The following GBP7 variants were observed in gnomAD, a reference collection of about 807,000 sequenced individuals.
GBP7 encodes guanylate binding protein 7.
Under a neutral mutation model 61.3 loss-of-function variants are expected in GBP7, and 43 were observed. The ratio of observed to expected loss-of-function variants is 0.70; its 90% CI spans 0.55 to 0.91. GBP7 has a LOEUF of 0.91. Among genes scored for constraint, GBP7 ranks in the 40% least tolerant of loss-of-function variants. GBP7 has a pLI of 0.00. For missense variants in GBP7, 717 were observed against 740.5 expected, an observed-to-expected ratio of 0.97 and a Z score of 0.37; for synonymous variants, 267 against 271.0, an observed-to-expected ratio of 0.99 and a Z score of 0.14.
At chr1:89,141,430 A>G in intron 9 of GBP7, 116 bp downstream of exon 9, 2 of 780,160 alleles carry the variant, frequency 2.6e-6, no homozygotes, top group East Asian at 5.2e-5. Flanking sequence ...TTAGCAGAGC[A>G]TGTGTTCCCT....
chr1:89,164,857 G>A lies in GBP7; in HGVS notation c.192C>T (p.Gly64=), dbSNP rs1647378669. ...LMNKLAGKNK[G]FPLGCTVKSE... is the part of the protein sequence containing the mutation. ...ACTTCACTGTGCAGCCCAGAGGGAA[G>A]CCTTCAAGGGAAGAGGAGAAACAAC... The change falls in exon 3 of 11, where the codon GGC becomes GGT. Residue 64 remains glycine (G), a splice_region_variant and synonymous_variant. Transcript: ENST00000294671. 6.8e-6 allele frequency: 11 copies of A among 1,613,480 alleles called. No homozygotes were observed. The highest frequency in any genetic ancestry group is 4.4e-5 in the South Asian group (4 of 91,082).
chr1:89,155,072 G>T (rs1327339011), intron 3 of GBP7, among the ~76,000 whole-genome samples: 1 of 152,214 alleles, frequency 6.6e-6, no homozygotes, highest in Non-Finnish European at 1.5e-5. Context: ...CTCCACTGGT[G>T]ATACCCAGGC....
chr1:89,163,382 C>T (rs1220046967), intron 3 of GBP7, among the ~76,000 whole-genome samples: 1 of 149,504 alleles, frequency 6.7e-6, no homozygotes, highest in Non-Finnish European at 1.5e-5. Flanking sequence ...GCTATGAATC[C>T]ATCTGTTTCT....
rs149964054 is a variant in GBP7, at chr1:89,157,464, C to A, written c.319-4687G>T. 4.9e-3 allele frequency among the ~76,000 whole-genome samples: 737 copies of A among 151,708 alleles called. 4 individuals carry two copies. Among genetic ancestry groups the A allele is most frequent in the African/African-American group, 0.017 (682 of 41,328 alleles). On this transcript the variant is annotated intron_variant, in intron 3 of 10. Transcript: ENST00000294671. ...CAAAATTGATAGACCACTACCAAGA[C>A]GAATAAAGAAGAAAAGAGAGAAGAA...
chr1:89,146,534 T>C (rs1196116057), intron 8 of GBP7, among the ~76,000 whole-genome samples: 1 of 152,148 alleles, frequency 6.6e-6, no homozygotes, highest in Non-Finnish European at 1.5e-5. Context: ...ATCTGATAAG[T>C]GCTTAATATC....
At chr1:89,140,313 A>G (rs1272314734) in intron 9 of GBP7, among the ~76,000 whole-genome samples, 3 of 137,166 alleles carry the variant, frequency 2.2e-5, no homozygotes, top group Non-Finnish European at 4.7e-5. Flanking sequence ...GGGGGGAGGG[A>G]TAGCATTAGG....
Position 89,132,271 on chromosome 1 carries a change from C to T in GBP7, c.1795G>A (p.Val599Met), listed in dbSNP as rs764858765. The change falls in exon 11 of 11, where the codon GTG (valine) becomes ATG (methionine). Residue 599 changes from valine (V) to methionine (M), a missense_variant. By Grantham distance (21) the Val-to-Met change is conservative. Around this residue, in one of 3 missense-constraint regions of GBP7, gnomAD observed 312 missense variants for 310.1 expected, o/e 1.01. Transcript: ENST00000294671. ...GCTGCAATAAATATACTGCCAGCCA[C>T]ATCAAGAATCTGTGAAAACACTGAG... Reference protein sequence around the residue: ...EPSVFSQILDVAGSIFIAALP... With the variant: ...EPSVFSQILDMAGSIFIAALP... The T allele has an allele frequency of 1.5e-5, 25 of 1,613,936 alleles. No homozygotes were observed. In the East Asian group the frequency reaches 4.9e-4, roughly 32 times the overall value.
chr1:89,145,402 T>C (rs1045962357), intron 8 of GBP7, among the ~76,000 whole-genome samples: 7 of 152,208 alleles, frequency 4.6e-5, no homozygotes, highest in Non-Finnish European at 8.8e-5. Flanking sequence ...GATTCAATAA[T>C]ACTTTATTTT....
At chr1:89,137,754 C>G (rs1681840621) in intron 9 of GBP7, among the ~76,000 whole-genome samples, 1 of 151,860 alleles carries the variant, frequency 6.6e-6, no homozygotes, top group South Asian at 2.1e-4. Context: ...ACAAGGATGC[C>G]CACTCTCAAC....
rs1462840777 is a variant in GBP7 at position 89,133,425 on chromosome 1, C to T, written c.1495G>A (p.Glu499Lys). Residue 499 changes from glutamate to lysine, a missense_variant, in exon 10 of 11, where the codon GAA (glutamate) becomes AAA (lysine). Glu to Lys is a moderately conservative substitution (Grantham distance 56, BLOSUM62 1). Around this residue, in one of 3 missense-constraint regions of GBP7, gnomAD observed 312 missense variants for 310.1 expected, o/e 1.01. Coordinates refer to ENST00000294671, the MANE Select transcript of GBP7 (RefSeq NM_207398.3). ...AAKQAKKEAA[E>K]KEQELLRQKQ... is the part of the protein sequence containing the mutation. The stretch of plus-strand genomic sequence containing the variant: ...TGTCTTAGCAGCTCCTGTTCCTTTT[C>T]AGCTGCCTCCTTCTTAGCCTGCTTA... The T allele has an allele frequency of 6.2e-7, 1 of 1,614,046 alleles. No individual in the cohort carries two copies. Among genetic ancestry groups the T allele is most frequent in the East Asian group, 2.2e-5 (1 of 44,868 alleles).
In GBP7 at chr1:89,169,596, A is replaced by C. The variant is rs2100661692; in HGVS notation, c.190+2150T>G. Among the ~76,000 whole-genome samples the C allele has an allele frequency of 1.3e-5, 2 of 152,322 alleles. 1 individual carries two copies. Among genetic ancestry groups the C allele is most frequent in the South Asian group, 4.1e-4 (2 of 4,826 alleles). ...ATTTTGAATTCTTCTAGGTTTGTCC[A>C]ACCCAATTTTCTGGCCTGGAATTGC... On this transcript the variant is annotated intron_variant, in intron 2 of 10. Transcript: ENST00000294671.
Position 89,147,770 on chromosome 1 carries a change from C to G in GBP7, c.1162G>C (p.Glu388Gln), listed in dbSNP as rs777638420. 6.2e-7 allele frequency: 1 copy of G among 1,613,988 alleles called. No homozygotes were observed. Among genetic ancestry groups the G allele is most frequent in the Non-Finnish European group, 8.5e-7 (1 of 1,179,938 alleles). The change falls in exon 8 of 11, where the codon GAG becomes CAG. Residue 388 changes from glutamate to glutamine, a missense_variant. Glu to Gln is a conservative substitution (Grantham distance 29). This residue lies in a region of GBP7 where 312 missense variants were observed against 310.1 expected (regional missense o/e 1.01). Coordinates refer to ENST00000294671, the MANE Select transcript of GBP7 (RefSeq NM_207398.3). ...EFQKKLVDTM[E>Q]KKKEDFVLQN... ...AGCACAAAGTCTTCCTTCTTTTTCT[C>G]CATGGTGTCCTGCCAGAAAAGTGTA...
intron 2 of GBP7, among the ~76,000 whole-genome samples, chr1:89,165,414 C>T (rs564269302): frequency 3.3e-5 from 5 of 151,412 alleles, no homozygotes; most frequent in South Asian, 4.2e-4. Flanking sequence ...GTAGGGGAGT[C>T]GCTTGAAACC....
At chr1:89,172,875 G>A (rs1045119446) in intron 1 of GBP7, among the ~76,000 whole-genome samples, 2 of 151,450 alleles carry the variant, frequency 1.3e-5, no homozygotes, top group African/African-American at 2.4e-5. Context: ...GAGTTCTACC[G>A]TGAGCAAGGG....
chr1:89,171,386 T>C (rs920712727), intron 2 of GBP7, among the ~76,000 whole-genome samples: 4 of 152,136 alleles, frequency 2.6e-5, no homozygotes, highest in South Asian at 4.2e-4. Flanking sequence ...GTGACCTTAA[T>C]TACAAAAAAT....
At chr1:89,161,141 T>C (rs1481010944) in intron 3 of GBP7, among the ~76,000 whole-genome samples, 5 of 152,236 alleles carry the variant, frequency 3.3e-5, no homozygotes. Flanking sequence ...TAGTATTCCA[T>C]AGTGTATATG....
intron 2 of GBP7, among the ~76,000 whole-genome samples, chr1:89,169,354 C>T (rs1647537239): frequency 6.6e-6 from 1 of 152,198 alleles, no homozygotes; most frequent in South Asian, 2.1e-4. Context: ...AAAAGAGCCT[C>T]ATGACTGTTC....
At chr1:89,163,177 AG>A (rs1295794700) in intron 3 of GBP7, among the ~76,000 whole-genome samples, 1 of 152,010 alleles carries the variant, frequency 6.6e-6, no homozygotes, top group Non-Finnish European at 1.5e-5. Flanking sequence ...TATTTTGTTG[AG>A]GATTTTTGCA....
chr1:89,166,990 C>T (rs1647462043), intron 2 of GBP7, among the ~76,000 whole-genome samples: 1 of 152,214 alleles, frequency 6.6e-6, no homozygotes, highest in Non-Finnish European at 1.5e-5. Context: ...ACGTCTCAAC[C>T]ACCCTGGATG....
Sources: allele counts gnomAD v4.1 joint callset (sites outside exome capture counted in the v4.1 genomes callset), GRCh38; gene constraint gnomAD v4.1.1; regional missense constraint gnomAD v4.1.1; transcripts MANE v1.5; gene names NCBI Gene and HGNC (gene_info 2026-07-23, HGNC 2026-07-21).